The following ZNRF1 variants were observed in gnomAD, a reference collection of about 807,000 sequenced individuals.
The protein encoded by ZNRF1 is E3 ubiquitin-protein ligase ZNRF1.
In ZNRF1, 3 loss-of-function variants were observed where a neutral mutation model predicts 18.4. The observed-to-expected ratio is 0.16, with a 90% CI of 0.07 to 0.42. The LOEUF (loss-of-function observed/expected upper bound fraction) is 0.42. Ranked by LOEUF, ZNRF1 falls within the 10% of genes least tolerant of loss-of-function variation. The probability of loss-of-function intolerance (pLI) is 0.99; values close to 1 mark genes in which losing one functional copy is unlikely to be tolerated. For missense variants in ZNRF1, 310 were observed against 329.8 expected (o/e 0.94, Z 0.47); for synonymous variants, 157 against 144.2 (o/e 1.09, Z -0.64).
intron 1 of ZNRF1, among the ~76,000 whole-genome samples, chr16:75,073,184 A>G (rs548691893): frequency 6.6e-6 from 1 of 151,360 alleles, no homozygotes; most frequent in African/African-American, 2.4e-5. Flanking sequence ...GTATATATAT[A>G]TACACACATA....
chr16:75,104,938 G>T, intron 3 of ZNRF1, 49 bp downstream of exon 3: 1 of 1,453,656 alleles, frequency 6.9e-7, no homozygotes, highest in Non-Finnish European at 9.4e-7. Context: ...TCCCAGAGGG[G>T]CGGACCCCCA....
intron 1 of ZNRF1, among the ~76,000 whole-genome samples, chr16:75,038,320 T>G (rs911343460): frequency 2.6e-5 from 4 of 152,218 alleles, no homozygotes; most frequent in African/African-American, 7.2e-5. Flanking sequence ...GTGGGCATGA[T>G]GAGGAGGCAA....
chr16:75,015,165 A>G (rs2145328545), intron 1 of ZNRF1, among the ~76,000 whole-genome samples: 1 of 151,954 alleles, frequency 6.6e-6, no homozygotes, highest in African/African-American at 2.4e-5. Context: ...ATATTCAAGT[A>G]TTTTCTCTTA....
intron 1 of ZNRF1, among the ~76,000 whole-genome samples, chr16:75,051,533 G>T (rs1219260222): frequency 2.0e-5 from 3 of 149,304 alleles, no homozygotes; most frequent in Admixed American, 1.3e-4. Context: ...TTTTTTTTTG[G>T]GGGGGACGGA....
At chr16:75,104,662 T>C in intron 2 of ZNRF1, 122 bp from the exon 3 acceptor site, 1 of 774,794 alleles carries the variant, frequency 1.3e-6, no homozygotes, top group Non-Finnish European at 2.1e-6. Context: ...CTGTGTCCCC[T>C]GCAGAGCCGG....
At chr16:75,009,888 A>G (rs1451226905) in intron 1 of ZNRF1, among the ~76,000 whole-genome samples, 3 of 152,020 alleles carry the variant, frequency 2.0e-5, no homozygotes, top group Non-Finnish European at 2.9e-5. Flanking sequence ...CTAATGAATT[A>G]GTGATATTGA....
intron 1 of ZNRF1, among the ~76,000 whole-genome samples, chr16:75,059,079 G>A (rs994923394): frequency 4.6e-5 from 7 of 152,166 alleles, no homozygotes; most frequent in African/African-American, 1.7e-4. Flanking sequence ...GGAAGAGCCA[G>A]AGGAACTGCC....
intron 1 of ZNRF1, among the ~76,000 whole-genome samples, chr16:75,078,796 A>C (rs2145408744): frequency 6.6e-6 from 1 of 152,294 alleles, no homozygotes; most frequent in South Asian, 2.1e-4. Context: ...ACCAATACAG[A>C]TATTGCTTCC....
chr16:75,090,213 C>G (rs1472320868), intron 1 of ZNRF1, among the ~76,000 whole-genome samples: 1 of 152,202 alleles, frequency 6.6e-6, no homozygotes, highest in Non-Finnish European at 1.5e-5. Flanking sequence ...CTGTGAGACG[C>G]AGGTTTACAC....
chr16:75,035,680 G>A (rs2035368124), intron 1 of ZNRF1, among the ~76,000 whole-genome samples: 1 of 152,226 alleles, frequency 6.6e-6, no homozygotes. Flanking sequence ...GGTTTTATAT[G>A]TTGGCATGCT....
chr16:75,050,918 TACA>T (rs1487500791), intron 1 of ZNRF1, among the ~76,000 whole-genome samples: 4 of 127,478 alleles, frequency 3.1e-5, no homozygotes, highest in Non-Finnish European at 6.4e-5. Flanking sequence ...TGTAGCCAGG[TACA>T]GTGGCTCACA....
chr16:75,033,927 G>A (rs536139054), intron 1 of ZNRF1, among the ~76,000 whole-genome samples: 1 of 151,810 alleles, frequency 6.6e-6, no homozygotes, highest in Non-Finnish European at 1.5e-5. Flanking sequence ...TGGGCAGATT[G>A]CCTGAGCTCA....
At chr16:75,071,707 C>T (rs943481099) in intron 1 of ZNRF1, among the ~76,000 whole-genome samples, 7 of 152,132 alleles carry the variant, frequency 4.6e-5, no homozygotes, top group South Asian at 2.1e-4. Context: ...GCATGTGGGA[C>T]GGAAATAGTC....
intron 1 of ZNRF1, among the ~76,000 whole-genome samples, chr16:75,071,467 T>C (rs2035869827): frequency 6.6e-6 from 1 of 152,156 alleles, no homozygotes; most frequent in African/African-American, 2.4e-5. Context: ...TCAATCCAAA[T>C]GCTGATGGTG....
chr16:75,016,998 G>C (rs1301843296), intron 1 of ZNRF1, among the ~76,000 whole-genome samples: 1 of 152,198 alleles, frequency 6.6e-6, no homozygotes, highest in Non-Finnish European at 1.5e-5. Flanking sequence ...TCTGTTTAAA[G>C]CTGGTATTCT....
chr16:75,031,389 C>G (rs2035301224), intron 1 of ZNRF1, among the ~76,000 whole-genome samples: 1 of 152,148 alleles, frequency 6.6e-6, no homozygotes, highest in Non-Finnish European at 1.5e-5. Flanking sequence ...CTCAGCCTCC[C>G]AAAGTGCTGG....
chr16:75,022,434 C>T (rs1195556386), intron 1 of ZNRF1, among the ~76,000 whole-genome samples: 4 of 146,456 alleles, frequency 2.7e-5, no homozygotes, highest in East Asian at 2.1e-4. Flanking sequence ...GGCATGGTGG[C>T]GGGCACCTGA....
At chr16:75,007,243 T>TG (rs1227873187) in intron 1 of ZNRF1, among the ~76,000 whole-genome samples, 2 of 151,308 alleles carry the variant, frequency 1.3e-5, no homozygotes, top group African/African-American at 2.4e-5. Context: ...TTTGTGTAGA[T>TG]GGGGTCTCCA....
intron 1 of ZNRF1, among the ~76,000 whole-genome samples, chr16:75,075,608 G>T (rs2035930017): frequency 6.6e-6 from 1 of 152,174 alleles, no homozygotes; most frequent in South Asian, 2.1e-4. Flanking sequence ...GAAGTGTGAT[G>T]TTCATTCATC....
Sources: allele counts gnomAD v4.1 joint callset (sites outside exome capture counted in the v4.1 genomes callset), GRCh38; gene constraint gnomAD v4.1.1; transcripts MANE v1.5; gene names NCBI Gene and HGNC (gene_info 2026-07-23, HGNC 2026-07-21).